The following MAP3K2 variants were observed in gnomAD, a reference collection of about 807,000 sequenced individuals.
MAP3K2 encodes the protein MAP/ERK kinase kinase 2.
In MAP3K2, 24 loss-of-function variants were observed where a neutral mutation model predicts 80.3. The ratio of observed to expected loss-of-function variants is 0.30; its 90% CI spans 0.22 to 0.42. The LOEUF (loss-of-function observed/expected upper bound fraction) is 0.42, where lower values mean the gene tolerates loss of function less well. Among genes scored for constraint, MAP3K2 ranks in the 10% least tolerant of loss-of-function variants. The probability of loss-of-function intolerance (pLI) is 1.00; values close to 1 mark genes in which losing one functional copy is unlikely to be tolerated. For synonymous variants in MAP3K2, 244 were observed against 253.7 expected (o/e 0.96, Z 0.36); for missense variants, 608 against 750.1 (o/e 0.81, Z 2.21).
intron 1 of MAP3K2, among the ~76,000 whole-genome samples, chr2:127,367,341 T>C (rs1286831668): frequency 1.3e-5 from 2 of 152,228 alleles, no homozygotes; most frequent in East Asian, 3.8e-4. Flanking sequence ...TAAGATATTA[T>C]TAACTTTAAA....
chr2:127,314,294 A>C (rs1685860371), intron 15 of MAP3K2, among the ~76,000 whole-genome samples: 1 of 152,158 alleles, frequency 6.6e-6, no homozygotes, highest in Admixed American at 6.5e-5. Flanking sequence ...ATTAAAGCAT[A>C]TTGCATGCAT....
In MAP3K2 at chr2:127,339,668, T is replaced by C. The variant is rs1686439837; in HGVS notation, c.5-618A>G. On this transcript the variant is annotated intron_variant, in intron 2 of 16. Transcript: ENST00000682094. The surrounding 1 kb of genome is among the most constrained non-coding windows in gnomAD (Gnocchi z 4.2). The stretch of plus-strand genomic sequence containing the variant: ...AGAAAATTCCTTTCCTTAGAAAAAG[T>C]ACCAAGTCCATAAAACTGAGAGAAA... Among the ~76,000 whole-genome samples, 1 of 152,172 alleles carries C rather than the reference T, an allele frequency of 6.6e-6. No individual in the cohort carries two copies. Among genetic ancestry groups the C allele is most frequent in the Admixed American group, 6.5e-5 (1 of 15,280 alleles).
intron 1 of MAP3K2, among the ~76,000 whole-genome samples, chr2:127,374,529 T>C (rs1267469628): frequency 6.6e-6 from 1 of 152,178 alleles, no homozygotes; most frequent in Non-Finnish European, 1.5e-5. Context: ...AATGCCCAGA[T>C]TGCCAGTTCA....
chr2:127,384,588 C>G (rs1203543444), intron 1 of MAP3K2, among the ~76,000 whole-genome samples: 2 of 151,820 alleles, frequency 1.3e-5, no homozygotes, highest in African/African-American at 4.8e-5. Context: ...ACGGAAAGAG[C>G]AAGAGAACTA....
At chr2:127,368,650 A>G (rs1352273458) in intron 1 of MAP3K2, among the ~76,000 whole-genome samples, 1 of 152,158 alleles carries the variant, frequency 6.6e-6, no homozygotes, top group Non-Finnish European at 1.5e-5. Context: ...AATAAAAATA[A>G]AAAGGCAAAG....
At chr2:127,368,031 G>C (rs1171041550) in intron 1 of MAP3K2, among the ~76,000 whole-genome samples, 1 of 152,098 alleles carries the variant, frequency 6.6e-6, no homozygotes, top group Non-Finnish European at 1.5e-5. Flanking sequence ...ATATAAAATG[G>C]CAAGTATCGG....
At chr2:127,319,235 GAAAA>G (rs11305589) in intron 12 of MAP3K2, among the ~76,000 whole-genome samples, 1 of 120,880 alleles carries the variant, frequency 8.3e-6, no homozygotes. Context: ...GAATGCAAAA[GAAAA>G]AAAAAAAAAA....
chr2:127,362,501 C>T (rs1173330933), intron 1 of MAP3K2, among the ~76,000 whole-genome samples: 2 of 152,042 alleles, frequency 1.3e-5, no homozygotes, highest in Admixed American at 6.6e-5. Flanking sequence ...CAAATGTTTA[C>T]AAATCTTAAT....
rs1685723955 is a variant in MAP3K2 at position 127,307,458 on chromosome 2, T to C, written c.*121A>G. The C allele has an allele frequency of 2.0e-6, 1 of 511,546 alleles. No homozygotes were observed. The allele number at this position is 511,546 out of a possible 1,614,324, so 31.7% of individuals were successfully genotyped here. On this transcript the variant is annotated 3_prime_UTR_variant, in exon 17 of 17. Coordinates refer to ENST00000682094, the MANE Select transcript of MAP3K2 (RefSeq NM_001371910.2). The surrounding 1 kb of genome is among the most constrained non-coding windows in gnomAD (Gnocchi z 5.4). ...TTTAACCAAGAATCAAGAGAAATAC[T>C]TTCCCTCTTGTCTTTTTTCTCCCCC...
chr2:127,334,903 T>TGA (rs1281964907), intron 5 of MAP3K2, among the ~76,000 whole-genome samples: 1 of 152,042 alleles, frequency 6.6e-6, no homozygotes, highest in Non-Finnish European at 1.5e-5. Flanking sequence ...CCCAGGTAGC[T>TGA]GGAACTACAG....
intron 1 of MAP3K2, among the ~76,000 whole-genome samples, chr2:127,386,105 C>T (rs979758166): frequency 1.3e-5 from 2 of 152,108 alleles, no homozygotes; most frequent in African/African-American, 4.8e-5. Flanking sequence ...AAATTTTCTT[C>T]AACTTGATAA....
chr2:127,329,775 T>C (rs1231254604), intron 7 of MAP3K2, 146 bp downstream of exon 7: 1 of 575,396 alleles, frequency 1.7e-6, no homozygotes, highest in Non-Finnish European at 3.0e-6. Context: ...GGACGTCAAA[T>C]ATTAGAGTGT....
intron 1 of MAP3K2, among the ~76,000 whole-genome samples, chr2:127,358,698 C>T (rs1403307019): frequency 2.0e-5 from 3 of 151,990 alleles, no homozygotes; most frequent in Non-Finnish European, 2.9e-5. Context: ...TTTGGGAGGC[C>T]GAGGCAGGCA....
rs577265697 is a variant in MAP3K2 at position 127,298,797 on chromosome 2, A to G, written c.*8782T>C. The G allele has an allele frequency of 6.6e-6, 1 of 152,370 alleles. No homozygotes were observed. The allele number at this position is 152,370 out of a possible 1,614,324, so 9.4% of individuals were successfully genotyped here. ...CAATCTTTCAAAAAAATGAACATGT[A>G]AGAAAAAGCAGTTTTCATTGTGCTA... On this transcript the variant is annotated 3_prime_UTR_variant, in exon 17 of 17. Coordinates refer to ENST00000682094, the MANE Select transcript of MAP3K2 (RefSeq NM_001371910.2).
chr2:127,333,665 C>T (rs890778378), intron 5 of MAP3K2, among the ~76,000 whole-genome samples: 14 of 152,276 alleles, frequency 9.2e-5, no homozygotes, highest in African/African-American at 2.9e-4. Context: ...TATCCTAATG[C>T]CACCCCTACC....
At position 127,304,327 on chromosome 2, in the gene MAP3K2, C is replaced by T. The variant is rs116582766; in HGVS notation, c.*3252G>A. The T allele has an allele frequency of 2.3e-3, 354 of 152,230 alleles. 1 individual carries two copies. Among genetic ancestry groups the T allele is most frequent in the African/African-American group, 7.7e-3 (321 of 41,528 alleles). 9.4% of individuals were successfully genotyped at this position (152,230 alleles called of 1,614,324 possible). A position where few individuals can be genotyped will look rare whatever the true frequency, so the allele number is the denominator to read the frequency against. ...AATTAACAACCCATCAAAATTTCCA[C>T]TAGTCATTATGATTTTTTTAACCCT... On this transcript the variant is annotated 3_prime_UTR_variant, in exon 17 of 17. Coordinates refer to ENST00000682094, the MANE Select transcript of MAP3K2 (RefSeq NM_001371910.2).
intron 1 of MAP3K2, among the ~76,000 whole-genome samples, chr2:127,352,659 TA>T (rs543628943): frequency 1.3e-5 from 2 of 152,008 alleles, no homozygotes; most frequent in Non-Finnish European, 2.9e-5. Context: ...AGCAGTAAGT[TA>T]AAAAAGAGTG....
intron 1 of MAP3K2, among the ~76,000 whole-genome samples, chr2:127,370,055 A>G (rs954791644): frequency 2.1e-5 from 3 of 141,064 alleles, no homozygotes; most frequent in Non-Finnish European, 4.5e-5. Context: ...CATCTAAGTA[A>G]GTTAGTTTAC....
intron 8 of MAP3K2, among the ~76,000 whole-genome samples, chr2:127,326,092 T>A (rs1452775111): frequency 6.6e-6 from 1 of 152,152 alleles, no homozygotes; most frequent in Non-Finnish European, 1.5e-5. Context: ...ATTCTTTCTC[T>A]ATAGACTATT....
Sources: allele counts gnomAD v4.1 joint callset (sites outside exome capture counted in the v4.1 genomes callset), GRCh38; gene constraint gnomAD v4.1.1; non-coding constraint Gnocchi (gnomAD v3.1); transcripts MANE v1.5; gene names NCBI Gene and HGNC (gene_info 2026-07-23, HGNC 2026-07-21).